ZNF704: variants seen among roughly 807,000 people sequenced by gnomAD.
The protein encoded by ZNF704 is zinc finger protein 704, also known as glucocorticoid induced gene 1.
ZNF704 carries 10 observed loss-of-function variants against 44.7 expected under a neutral mutation model. The ratio of observed to expected loss-of-function variants is 0.22; its 90% CI spans 0.14 to 0.38. The LOEUF is 0.38. Among genes scored for constraint, ZNF704 ranks in the 10% least tolerant of loss-of-function variants. ZNF704 has a pLI of 1.00. For synonymous variants in ZNF704, 211 were observed against 207.6 expected, an observed-to-expected ratio of 1.02 and a Z score of -0.14; for missense variants, 390 against 545.5, an observed-to-expected ratio of 0.71 and a Z score of 2.84.
the ZNF704 span, among the ~76,000 whole-genome samples, chr8:80,882,650 A>G: frequency 6.6e-6 from 1 of 152,028 alleles, no homozygotes; most frequent in African/African-American, 2.4e-5. Context: ...TTTTCCACCA[A>G]TGTTTGTACT....
chr8:80,771,409 T>C (rs1807317725), intron 2 of ZNF704, among the ~76,000 whole-genome samples: 2 of 152,148 alleles, frequency 1.3e-5, no homozygotes, highest in Admixed American at 1.3e-4. Context: ...ATATAAGTCC[T>C]GTACATGTTT....
At chr8:80,861,827 G>T (rs1458097466) in intron 1 of ZNF704, among the ~76,000 whole-genome samples, 1 of 151,376 alleles carries the variant, frequency 6.6e-6, no homozygotes, top group Non-Finnish European at 1.5e-5. Flanking sequence ...GGTCTAACAG[G>T]TATGTCAAAC....
intron 5 of ZNF704, among the ~76,000 whole-genome samples, chr8:80,669,187 C>A (rs1309371800): frequency 2.0e-5 from 3 of 152,262 alleles, no homozygotes; most frequent in Admixed American, 6.5e-5. Context: ...GACTTTAAAA[C>A]AAATACCCTA....
intron 7 of ZNF704, among the ~76,000 whole-genome samples, chr8:80,657,809 G>A (rs1300794162): frequency 6.6e-6 from 1 of 151,576 alleles, no homozygotes; most frequent in East Asian, 1.9e-4. Context: ...TATATGGTAT[G>A]TTTTATATAT....
chr8:80,636,963 TAATGATAAA>T lies in ZNF704; in HGVS notation c.*4394_*4402del, dbSNP rs1407388175. Reference sequence around the variant, plus strand: ...AGCTAATAAACAGTCATCCATTGGGTAATGATAAAAAGGACCAGCAAGGCTTTGTATTCA... The same window carrying T: ...AGCTAATAAACAGTCATCCATTGGGTAAGGACCAGCAAGGCTTTGTATTCA... On this transcript the variant is annotated 3_prime_UTR_variant, in exon 9 of 9. Transcript: ENST00000327835. 1 of 152,200 alleles carries T rather than the reference TAATGATAAA, an allele frequency of 6.6e-6. No individual in the cohort carries two copies. Among genetic ancestry groups the T allele is most frequent in the African/African-American group, 2.4e-5 (1 of 41,444 alleles). The allele number at this position is 152,200 out of a possible 1,614,324, so 9.4% of individuals were successfully genotyped here.
chr8:80,670,645 C>T (rs1818264012), intron 4 of ZNF704, 42 bp from the exon 5 acceptor site: 8 of 1,373,794 alleles, frequency 5.8e-6, no homozygotes, highest in Non-Finnish European at 8.3e-6. Flanking sequence ...AAACTATTTT[C>T]TAACAACATT....
intron 2 of ZNF704, among the ~76,000 whole-genome samples, chr8:80,704,493 G>C (rs1309954630): frequency 6.6e-6 from 1 of 152,224 alleles, no homozygotes; most frequent in Non-Finnish European, 1.5e-5. Flanking sequence ...ATGACTGGTG[G>C]CAGGCAGCTT....
At chr8:80,789,459 A>C (rs1807667255) in intron 2 of ZNF704, among the ~76,000 whole-genome samples, 1 of 152,208 alleles carries the variant, frequency 6.6e-6, no homozygotes, top group Non-Finnish European at 1.5e-5. Flanking sequence ...AGCATAACTA[A>C]AAATAGGCTG....
intron 1 of ZNF704, among the ~76,000 whole-genome samples, chr8:80,847,944 A>G (rs1808793859): frequency 6.6e-6 from 1 of 152,248 alleles, no homozygotes; most frequent in African/African-American, 2.4e-5. Context: ...TTTATCCAAG[A>G]GAAATGAAAA....
At chr8:80,641,513 G>A in intron 8 of ZNF704, 36 bp from the exon 9 acceptor site, 2 of 1,384,840 alleles carry the variant, frequency 1.4e-6, no homozygotes, top group South Asian at 1.3e-5. Flanking sequence ...TTTAGTGGGA[G>A]GAATTCAATG....
chr8:80,770,583 T>C (rs548803479), intron 2 of ZNF704, among the ~76,000 whole-genome samples: 29 of 152,330 alleles, frequency 1.9e-4, no homozygotes, highest in African/African-American at 6.7e-4. Context: ...TGAAAAACTT[T>C]ATATATTCTA....
chr8:80,725,020 G>A (rs115095815), intron 2 of ZNF704, among the ~76,000 whole-genome samples: 3,397 of 152,280 alleles, frequency 0.022, 127 homozygotes, highest in African/African-American at 0.077. Context: ...TACTTTTAGA[G>A]CAACACCTCC....
chr8:80,717,106 A>G (rs1299692125), intron 2 of ZNF704, among the ~76,000 whole-genome samples: 3 of 152,238 alleles, frequency 2.0e-5, no homozygotes, highest in Non-Finnish European at 2.9e-5. Context: ...AAACCTTGGC[A>G]GGGAAAGATT....
chr8:80,820,966 CA>C (rs759366684), intron 2 of ZNF704, among the ~76,000 whole-genome samples: 9 of 151,916 alleles, frequency 5.9e-5, no homozygotes, highest in African/African-American at 1.7e-4. Context: ...AAAAACAGAT[CA>C]GGGGCTGAAT....
chr8:80,691,634 T>C (rs1818637301), intron 3 of ZNF704, among the ~76,000 whole-genome samples: 1 of 152,192 alleles, frequency 6.6e-6, no homozygotes, highest in South Asian at 2.1e-4. Flanking sequence ...AACTCTCTCA[T>C]GATGATCTCA....
At chr8:80,865,243 T>C (rs1429476312) in intron 1 of ZNF704, among the ~76,000 whole-genome samples, 1 of 152,122 alleles carries the variant, frequency 6.6e-6, no homozygotes, top group Non-Finnish European at 1.5e-5. Flanking sequence ...CTCTGGGCCA[T>C]ATTAAAAAAA....
intron 1 of ZNF704, among the ~76,000 whole-genome samples, chr8:80,847,854 T>C (rs974195718): frequency 6.6e-6 from 1 of 152,260 alleles, no homozygotes; most frequent in African/African-American, 2.4e-5. Flanking sequence ...ACAGCCACTA[T>C]GGAAAGCACT....
At chr8:80,746,353 T>C (rs963561769) in intron 2 of ZNF704, among the ~76,000 whole-genome samples, 3 of 152,222 alleles carry the variant, frequency 2.0e-5, no homozygotes, top group Non-Finnish European at 4.4e-5. Flanking sequence ...AGGGTTTTAA[T>C]AGGGCAGACC....
chr8:80,855,577 A>G (rs1808946116), intron 1 of ZNF704, among the ~76,000 whole-genome samples: 1 of 152,194 alleles, frequency 6.6e-6, no homozygotes, highest in Non-Finnish European at 1.5e-5. Flanking sequence ...ATGTGTACAC[A>G]TGGACGTAGA....
Sources: gnomAD v4.1 joint callset for allele counts (sites outside exome capture counted in the v4.1 genomes callset) on GRCh38, gnomAD v4.1.1 for gene constraint, MANE v1.5 for transcripts, NCBI Gene and HGNC (gene_info 2026-07-23, HGNC 2026-07-21) for gene names.